The following TTC34 variants were observed in gnomAD, a reference collection of about 807,000 sequenced individuals.
TTC34 encodes tetratricopeptide repeat domain 34, also known as tetratricopeptide repeat protein 34.
A neutral mutation model predicts 40.7 loss-of-function variants in TTC34; 44 were observed. The observed-to-expected ratio is 1.08, with a 90% CI of 0.85 to 1.39. TTC34 has a LOEUF of 1.39. Among genes scored for constraint, TTC34 ranks in the 40% most tolerant of loss-of-function variants. The pLI, the probability that TTC34 is intolerant of heterozygous loss-of-function variation, is 0.00. For missense variants in TTC34, 884 were observed against 838.0 expected, an observed-to-expected ratio of 1.05 and a Z score of -0.68; for synonymous variants, 422 against 398.6, an observed-to-expected ratio of 1.06 and a Z score of -0.70.
intron 6 of TTC34, among the ~76,000 whole-genome samples, chr1:2,778,757 C>T (rs1053401293): frequency 4.0e-4 from 43 of 106,894 alleles, no homozygotes; most frequent in African/African-American, 1.4e-3. Context: ...ATATACATAA[C>T]GTAAAATTTA....
chr1:2,751,474 A>C (rs1300168703), intron 6 of TTC34, among the ~76,000 whole-genome samples: 1 of 94,358 alleles, frequency 1.1e-5, no homozygotes, highest in African/African-American at 5.5e-5. Flanking sequence ...ACAGACTGGA[A>C]CTGCACCCCC....
intron 3 of TTC34, among the ~76,000 whole-genome samples, chr1:2,788,089 G>A (rs1035575247): frequency 6.6e-6 from 1 of 152,258 alleles, no homozygotes; most frequent in African/African-American, 2.4e-5. Flanking sequence ...GCATGTTCCT[G>A]TGCCCATGTG....
intron 6 of TTC34, among the ~76,000 whole-genome samples, chr1:2,686,884 C>G (rs1170212245): frequency 2.0e-3 from 169 of 85,042 alleles, no homozygotes; most frequent in Non-Finnish European, 2.9e-3. Context: ...GCACCCACAC[C>G]CCCTGATGAG....
intron 6 of TTC34, among the ~76,000 whole-genome samples, chr1:2,762,128 C>A (rs1328820284): frequency 1.7e-5 from 1 of 59,966 alleles, no homozygotes; most frequent in Non-Finnish European, 2.7e-5. Flanking sequence ...GCAGCACACA[C>A]AACCCCAGGC....
exon 9 of TTC34, chr1:2,639,972 T>A (rs546192371): frequency 6.6e-6 from 1 of 152,364 alleles, no homozygotes; most frequent in South Asian, 2.1e-4. Flanking sequence ...GGGCGAGGAA[T>A]AGGGCCCCTC....
intron 6 of TTC34, among the ~76,000 whole-genome samples, chr1:2,685,276 C>T (rs1409070745): frequency 2.4e-5 from 2 of 82,028 alleles, no homozygotes; most frequent in Non-Finnish European, 4.7e-5. Flanking sequence ...CAGCACCCTG[C>T]ACCCCCAGGT....
At chr1:2,786,050 A>G (rs760820721) in intron 4 of TTC34, 27 bp from the exon 5 acceptor site, 188 of 1,442,284 alleles carry the variant, frequency 1.3e-4, no homozygotes, top group Admixed American at 1.9e-4. Flanking sequence ...GTCACTGCCC[A>G]TGCCCTTGGG....
intron 6 of TTC34, among the ~76,000 whole-genome samples, chr1:2,694,811 A>C (rs1204644751): frequency 1.5e-5 from 1 of 66,842 alleles, no homozygotes; most frequent in East Asian, 3.8e-4. Flanking sequence ...AGCATCTGAC[A>C]GCCTGGAACG....
At chr1:2,753,295 C>T (rs1176299459) in intron 6 of TTC34, among the ~76,000 whole-genome samples, 679 of 66,810 alleles carry the variant, frequency 0.01, no homozygotes, top group Middle Eastern at 0.051. Context: ...GCACCCTGCA[C>T]ACCCAGGTGA....
At chr1:2,749,792 T>G (rs1189615951) in intron 6 of TTC34, among the ~76,000 whole-genome samples, 69 of 4,696 alleles carry the variant, frequency 0.015, no homozygotes, top group Middle Eastern at 0.1. Context: ...ACAGCATGTA[T>G]CAGCACCCAC....
intron 6 of TTC34, among the ~76,000 whole-genome samples, chr1:2,688,736 AG>A (rs1259457725): frequency 9.1e-6 from 1 of 109,388 alleles, no homozygotes; most frequent in East Asian, 2.6e-4. Context: ...GCACACCCCC[AG>A]GTGAGGATCT....
At chr1:2,767,356 C>A (rs1641797479) in intron 6 of TTC34, among the ~76,000 whole-genome samples, 1 of 90,680 alleles carries the variant, frequency 1.1e-5, no homozygotes, top group South Asian at 6.2e-4. Context: ...GGAATGTCAT[C>A]CTCACTTCCA....
intron 6 of TTC34, among the ~76,000 whole-genome samples, chr1:2,778,023 T>A (rs983037589): frequency 1.3e-5 from 2 of 152,188 alleles, no homozygotes; most frequent in Non-Finnish European, 2.9e-5. Flanking sequence ...GGCAGAGAGC[T>A]GGCTCCCAGC....
At chr1:2,750,116 A>T (rs1641266650) in intron 6 of TTC34, among the ~76,000 whole-genome samples, 4 of 143,828 alleles carry the variant, frequency 2.8e-5, no homozygotes, top group Admixed American at 7.0e-5. Flanking sequence ...CTGGAACAGC[A>T]CCCACACACC....
intron 6 of TTC34, among the ~76,000 whole-genome samples, chr1:2,688,755 T>A (rs961384796): frequency 8.6e-6 from 1 of 115,680 alleles, no homozygotes; most frequent in African/African-American, 4.4e-5. Flanking sequence ...TCTGACCGCC[T>A]GGAACAGCAC....
chr1:2,685,398 AC>A (rs1313831551), intron 6 of TTC34, among the ~76,000 whole-genome samples: 1 of 127,514 alleles, frequency 7.8e-6, no homozygotes, highest in African/African-American at 3.5e-5. Flanking sequence ...ATCACCCACA[AC>A]CACAGGTGAG....
chr1:2,750,186 C>G (rs1641268738), intron 6 of TTC34, among the ~76,000 whole-genome samples: 1 of 152,106 alleles, frequency 6.6e-6, no homozygotes. Context: ...ATCTGACAGC[C>G]TGGGTCGGCA....
exon 9 of TTC34, chr1:2,638,447 C>G (rs1332132928): frequency 6.6e-6 from 1 of 152,238 alleles, no homozygotes; most frequent in Non-Finnish European, 1.5e-5. Flanking sequence ...TGGCGGTCTA[C>G]AGTTAATGAA....
chr1:2,698,524 A>G (rs1468956325), intron 6 of TTC34, among the ~76,000 whole-genome samples: 3 of 134,538 alleles, frequency 2.2e-5, no homozygotes, highest in Admixed American at 7.2e-5. Flanking sequence ...GCAGCACCCC[A>G]CACCCCCAGG....
Sources: allele counts gnomAD v4.1 joint callset (sites outside exome capture counted in the v4.1 genomes callset), GRCh38; gene constraint gnomAD v4.1.1; transcripts MANE v1.5; gene names NCBI Gene and HGNC (gene_info 2026-07-23, HGNC 2026-07-21).